The following HS6ST3 variants were observed in gnomAD, a reference collection of about 807,000 sequenced individuals.
The protein encoded by HS6ST3 is heparan sulfate 6-O-sulfotransferase 3.
In HS6ST3, 12 loss-of-function variants were observed where a neutral mutation model predicts 36.7. The ratio of observed to expected loss-of-function variants is 0.33; its 90% CI spans 0.21 to 0.53. The LOEUF (loss-of-function observed/expected upper bound fraction) is 0.53, where lower values mean the gene tolerates loss of function less well. Ranked by LOEUF, HS6ST3 falls within the 20% of genes least tolerant of loss-of-function variation. The pLI is 0.95. For synonymous variants in HS6ST3, 240 were observed against 257.5 expected (o/e 0.93, Z 0.65); for missense variants, 584 against 640.9 (o/e 0.91, Z 0.96).
chr13:96,237,250 A>G (rs974398705), intron 1 of HS6ST3, among the ~76,000 whole-genome samples: 3 of 152,232 alleles, frequency 2.0e-5, no homozygotes, highest in Non-Finnish European at 4.4e-5. Flanking sequence ...CATTGAGAAG[A>G]TAGAAGCCAA....
intron 1 of HS6ST3, among the ~76,000 whole-genome samples, chr13:96,103,187 T>C (rs1381480121): frequency 5.3e-5 from 8 of 152,140 alleles, no homozygotes; most frequent in Non-Finnish European, 1.2e-4. Context: ...ATCTGAGACC[T>C]TTTTAAAACC....
intron 1 of HS6ST3, among the ~76,000 whole-genome samples, chr13:96,185,072 T>C (rs2054259069): frequency 6.6e-6 from 1 of 152,152 alleles, no homozygotes; most frequent in Admixed American, 6.5e-5. Context: ...TCTGAAGAAA[T>C]TGTGTATTTG....
intron 1 of HS6ST3, among the ~76,000 whole-genome samples, chr13:96,555,737 A>T (rs1028556167): frequency 3.3e-5 from 5 of 152,116 alleles, no homozygotes; most frequent in Non-Finnish European, 5.9e-5. Context: ...AAAATCTATG[A>T]TCTGTAATTT....
At chr13:96,537,035 C>T (rs1386432543) in intron 1 of HS6ST3, among the ~76,000 whole-genome samples, 1 of 152,206 alleles carries the variant, frequency 6.6e-6, no homozygotes, top group Non-Finnish European at 1.5e-5. Flanking sequence ...AAGCACTTCT[C>T]TCTTGCTTCC....
At chr13:96,170,435 A>G (rs2054182277) in intron 1 of HS6ST3, among the ~76,000 whole-genome samples, 1 of 152,244 alleles carries the variant, frequency 6.6e-6, no homozygotes, top group Non-Finnish European at 1.5e-5. Flanking sequence ...AGCACAGCCT[A>G]CTTACATTCT....
intron 1 of HS6ST3, among the ~76,000 whole-genome samples, chr13:96,381,570 G>A (rs1456997026): frequency 1.3e-5 from 2 of 152,028 alleles, no homozygotes; most frequent in East Asian, 1.9e-4. Flanking sequence ...GAACAATACT[G>A]CCTGCCTCAC....
chr13:96,646,922 G>C (rs1038597491), intron 1 of HS6ST3, among the ~76,000 whole-genome samples: 4 of 152,040 alleles, frequency 2.6e-5, no homozygotes, highest in Middle Eastern at 6.8e-3. Context: ...AGATTCAGAG[G>C]CTCTTCTAAG....
chr13:96,326,600 C>T (rs2055033152), intron 1 of HS6ST3, among the ~76,000 whole-genome samples: 1 of 152,000 alleles, frequency 6.6e-6, no homozygotes, highest in Non-Finnish European at 1.5e-5. Context: ...GGGTTGGTTC[C>T]AAGTCTTTGC....
chr13:96,611,221 G>T (rs1490741571), intron 1 of HS6ST3, among the ~76,000 whole-genome samples: 1 of 151,340 alleles, frequency 6.6e-6, no homozygotes, highest in Non-Finnish European at 1.5e-5. Flanking sequence ...TGCCATGCTG[G>T]TGCGCTGCAC....
chr13:96,169,875 T>A (rs555078897), intron 1 of HS6ST3: 1 of 152,294 alleles, frequency 6.6e-6, no homozygotes, highest in South Asian at 2.1e-4. Context: ...TAAGATAAAA[T>A]TTTTTAAACA....
At chr13:96,325,521 A>G (rs543657161) in intron 1 of HS6ST3, among the ~76,000 whole-genome samples, 35 of 152,198 alleles carry the variant, frequency 2.3e-4, no homozygotes, top group Admixed American at 2.3e-3. Context: ...CATGGCAGTT[A>G]TATTTTATTG....
At chr13:96,669,520 A>C (rs370713493) in intron 1 of HS6ST3, among the ~76,000 whole-genome samples, 1 of 152,188 alleles carries the variant, frequency 6.6e-6, no homozygotes, top group African/African-American at 2.4e-5. Flanking sequence ...GCTTCCTTTA[A>C]GTCTCTTCAA....
chr13:96,331,719 C>G (rs2055069208), intron 1 of HS6ST3, among the ~76,000 whole-genome samples: 1 of 152,192 alleles, frequency 6.6e-6, no homozygotes, highest in Non-Finnish European at 1.5e-5. Flanking sequence ...CCAGTTGGAG[C>G]TTCCCGGCTG....
At chr13:96,402,772 G>A (rs1333605370) in intron 1 of HS6ST3, among the ~76,000 whole-genome samples, 9 of 152,146 alleles carry the variant, frequency 5.9e-5, no homozygotes, top group African/African-American at 9.7e-5. Flanking sequence ...TTGCTGAGTG[G>A]TGTTCCATTA....
chr13:96,253,458 C>G (rs2054617181), intron 1 of HS6ST3, among the ~76,000 whole-genome samples: 1 of 152,126 alleles, frequency 6.6e-6, no homozygotes, highest in Admixed American at 6.5e-5. Flanking sequence ...TGGCTGCTGT[C>G]CTTACTCTCT....
chr13:96,531,885 A>G (rs558004560), intron 1 of HS6ST3, among the ~76,000 whole-genome samples: 2 of 152,322 alleles, frequency 1.3e-5, no homozygotes, highest in South Asian at 2.1e-4. Context: ...AATAAACACA[A>G]TGGTCTCTGA....
At chr13:96,460,323 T>C (rs1397849148) in intron 1 of HS6ST3, among the ~76,000 whole-genome samples, 5 of 152,242 alleles carry the variant, frequency 3.3e-5, no homozygotes, top group Admixed American at 2.6e-4. Flanking sequence ...GTGAAATTAA[T>C]GTATCTGCTT....
chr13:96,648,905 T>C (rs2056598337), intron 1 of HS6ST3, among the ~76,000 whole-genome samples: 2 of 152,126 alleles, frequency 1.3e-5, no homozygotes, highest in Admixed American at 1.3e-4. Flanking sequence ...CTATCATTGA[T>C]GAGCATTTGG....
chr13:96,539,298 A>G (rs1191067740), intron 1 of HS6ST3, among the ~76,000 whole-genome samples: 2 of 152,018 alleles, frequency 1.3e-5, no homozygotes, highest in African/African-American at 4.8e-5. Flanking sequence ...TCTCCATCCT[A>G]TGACTACGAC....
Sources: gnomAD v4.1 joint callset for allele counts (sites outside exome capture counted in the v4.1 genomes callset) on GRCh38, gnomAD v4.1.1 for gene constraint, MANE v1.5 for transcripts, NCBI Gene and HGNC (gene_info 2026-07-23, HGNC 2026-07-21) for gene names.